The following GRHL3 variants were observed in gnomAD, a reference collection of about 807,000 sequenced individuals.
GRHL3 encodes the protein grainyhead-like protein 3 homolog.
GRHL3 carries 20 observed loss-of-function variants against 70.3 expected under a neutral mutation model. That is an observed-to-expected ratio of 0.28 (90% CI 0.20 to 0.41). The LOEUF (loss-of-function observed/expected upper bound fraction) is 0.41. GRHL3 is among the 10% of genes least tolerant of loss of function. The probability of loss-of-function intolerance (pLI) is 1.00; values close to 1 mark genes in which losing one functional copy is unlikely to be tolerated. For missense variants in GRHL3, 637 were observed against 762.3 expected (o/e 0.84, Z 1.94); for synonymous variants, 299 against 299.9 (o/e 1.00, Z 0.03).
intron 1 of GRHL3, chr1:24,319,944 A>G (rs1639118403): frequency 3.0e-6 from 1 of 334,082 alleles, no homozygotes; most frequent in Admixed American, 3.9e-5. Context: ...TCTTTAAGGT[A>G]GTTCTAAGAG....
In GRHL3 at chr1:24,344,998, ACACCTGTGCCTCCG is replaced by A. The variant is rs1640196614; in HGVS notation, c.1454+69_1454+82del. 9 of 1,350,482 alleles carry A rather than the reference ACACCTGTGCCTCCG, an allele frequency of 6.7e-6. No individual in the cohort carries two copies. The Admixed American group carries it at 8.6e-5, about 13-fold the overall frequency. 83.7% of individuals were successfully genotyped at this position (1,350,482 alleles called of 1,614,324 possible). The stretch of plus-strand genomic sequence containing the variant: ...CACCCTCCACACCTGTGCCCCCTCC[ACACCTGTGCCTCCG>A]CCACACCTGTGCCCCCTCTACACCT... On this transcript the variant is annotated intron_variant, in intron 12 of 15. Coordinates refer to ENST00000361548, the MANE Select transcript of GRHL3 (RefSeq NM_198173.3).
intron 15 of GRHL3, among the ~76,000 whole-genome samples, chr1:24,350,968 C>A (rs1483261886): frequency 1.3e-5 from 2 of 152,210 alleles, no homozygotes; most frequent in African/African-American, 2.4e-5. Flanking sequence ...CTGTCCTCTG[C>A]AGCCCTTCCT....
At position 24,336,507 on chromosome 1, in the gene GRHL3, A is replaced by G. The variant is rs779435159; in HGVS notation, c.292A>G (p.Thr98Ala). The change falls in exon 4 of 16, where the codon ACG becomes GCG. Residue 98 changes from threonine to alanine, a missense_variant. Physicochemically the swap from Thr to Ala is moderately conservative, Grantham distance 58. Coordinates refer to ENST00000361548, the MANE Select transcript of GRHL3 (RefSeq NM_198173.3). ...GTACTACCATGGCATGGAATATGAG[A>G]CGGACCTCACTCCCCTTGAAAGCCC... ...KRYYHGMEYE[T>A]DLTPLESPTH... 2 of 1,594,892 alleles carry G rather than the reference A, an allele frequency of 1.3e-6. No homozygotes were observed. The highest frequency in any genetic ancestry group is 1.7e-6 in the Non-Finnish European group (2 of 1,167,670).
At chr1:24,335,244 T>C (rs1267895403) in intron 3 of GRHL3, among the ~76,000 whole-genome samples, 1 of 152,212 alleles carries the variant, frequency 6.6e-6, no homozygotes, top group African/African-American at 2.4e-5. Context: ...GAGACCTGTG[T>C]TGGGGGAGGG....
At chr1:24,359,448 G>A (rs368254684), downstream of GRHL3, among the ~76,000 whole-genome samples, 6 of 152,178 alleles carry the variant, frequency 3.9e-5, no homozygotes, top group African/African-American at 1.4e-4. This position sits in a 1 kb window ranked among gnomAD's most constrained non-coding sequence, Gnocchi z 5.3. Flanking sequence ...AGTTCTCCTC[G>A]ACTGACTAGA....
intron 7 of GRHL3, among the ~76,000 whole-genome samples, chr1:24,338,798 T>A (rs2148657710): frequency 6.6e-6 from 1 of 152,356 alleles, no homozygotes; most frequent in Non-Finnish European, 1.5e-5. Context: ...CAGACAGATC[T>A]GAGCTTCAGC....
rs1192445341 is a variant in GRHL3, at chr1:24,342,257, A to G, written c.1190A>G (p.Lys397Arg). 1.2e-6 allele frequency: 2 copies of G among 1,608,398 alleles called. No homozygotes were observed. Among genetic ancestry groups the G allele is most frequent in the African/African-American group, 2.7e-5 (2 of 74,810 alleles). Residue 397 changes from lysine (K) to arginine (R), a missense_variant, in exon 9 of 16, where the codon AAG becomes AGG. Around this residue, in one of 2 missense-constraint regions of GRHL3, gnomAD observed 387 missense variants for 513.8 expected, o/e 0.75. Transcript: ENST00000361548. This position sits in a 1 kb window ranked among gnomAD's most constrained non-coding sequence, Gnocchi z 4.8. ...GTACACCGTGCTGTCTGCCAGATCA[A>G]GATCTTCTGTGACAAGGTGGCTGGA... ...RLVHRAVCQI[K>R]IFCDKGAERK... is the part of the protein sequence containing the mutation.
In GRHL3 at chr1:24,364,202, A is replaced by T. The variant is rs1050497646; in HGVS notation, c.1712A>T (p.His571Leu). 4.0e-5 allele frequency: 62 copies of T among 1,535,310 alleles called. No individual in the cohort carries two copies. In the East Asian group the frequency reaches 9.0e-4, roughly 22 times the overall value. The stretch of plus-strand genomic sequence containing the variant: ...TCTTCCAGGGAAACTTCTCTCCTCC[A>T]CCCACGCCTGTCTCGCCACCCCCCA... Residue 571 changes from histidine to leucine, a missense_variant, in exon 16 of 16, where the codon CAC (histidine) becomes CTC (leucine). His to Leu is a moderately conservative substitution (Grantham distance 99). Transcript: ENST00000350501.
intron 1 of GRHL3, among the ~76,000 whole-genome samples, chr1:24,329,117 C>T (rs1557692240): frequency 6.6e-6 from 1 of 152,180 alleles, no homozygotes. Context: ...GTGTGCCTCC[C>T]GCTCTCCGCA....
At chr1:24,363,375 A>C (rs1320161096) in intron 15 of GRHL3, among the ~76,000 whole-genome samples, 1 of 152,244 alleles carries the variant, frequency 6.6e-6, no homozygotes, top group Non-Finnish European at 1.5e-5. Flanking sequence ...GAATCCAGGC[A>C]GTTCTGTACT....
chr1:24,353,364 A>G (rs942910778), intron 15 of GRHL3, among the ~76,000 whole-genome samples: 8 of 152,016 alleles, frequency 5.3e-5, no homozygotes, highest in African/African-American at 1.9e-4. Flanking sequence ...TGGGAAGATG[A>G]CGGCAGGTGG....
intron 15 of GRHL3, among the ~76,000 whole-genome samples, chr1:24,351,698 T>C (rs1640517210): frequency 6.6e-6 from 1 of 152,186 alleles, no homozygotes; most frequent in South Asian, 2.1e-4. Context: ...TGTACAAGGA[T>C]GTTCCCCAGC....
rs531050476 is a variant in GRHL3, at chr1:24,321,142, G to A, written c.17+1574G>A. On this transcript the variant is annotated intron_variant, in intron 1 of 15. Transcript: ENST00000361548. The surrounding 1 kb of genome is among the most constrained non-coding windows in gnomAD (Gnocchi z 4.0). ...GCTGGCTAAAACTGCGGAGGCTACA[G>A]ACAGAATCTATTCATTACTGCACGT... 6.6e-6 allele frequency among the ~76,000 whole-genome samples: 1 copy of A among 152,354 alleles called. No individual in the cohort carries two copies. The highest frequency in any genetic ancestry group is 1.9e-4 in the East Asian group (1 of 5,194).
chr1:24,331,712 C>T (rs954627867), intron 2 of GRHL3, 100 bp downstream of exon 2: 2 of 978,112 alleles, frequency 2.0e-6, no homozygotes, highest in African/African-American at 3.2e-5. Context: ...CCCAGCCCCT[C>T]ATCTCTGGGC....
At chr1:24,358,200 T>G, downstream of GRHL3, 1 of 537,702 alleles carries the variant, frequency 1.9e-6, no homozygotes, top group South Asian at 1.5e-5. Context: ...CCTTGAAGTC[T>G]GCGCTTCAGG....
intron 3 of GRHL3, 75 bp from the exon 4 acceptor site, chr1:24,336,407 T>C: frequency 1.1e-6 from 1 of 921,236 alleles, no homozygotes; most frequent in Non-Finnish European, 1.7e-6. Context: ...GTGTGTCAGT[T>C]GCCTTGCACT....
Position 24,342,131 on chromosome 1 carries a change from A to T in GRHL3, c.1064A>T (p.Asn355Ile). ...NEEAKVFIGVNCLSTDFSSQK... is the reference protein window; with the variant it reads ...NEEAKVFIGVICLSTDFSSQK... ...TGTCTCCAGGTGTTCATCGGCGTAA[A>T]CTGTCTGAGCACAGACTTTTCCTCA... Residue 355 changes from asparagine to isoleucine, a missense_variant, in exon 9 of 16, where the codon AAC becomes ATC. By Grantham distance (149) the Asn-to-Ile change is moderately radical. This residue lies in a region of GRHL3 where 387 missense variants were observed against 513.8 expected (regional missense o/e 0.75). Coordinates refer to ENST00000361548, the MANE Select transcript of GRHL3 (RefSeq NM_198173.3). The surrounding 1 kb of genome is among the most constrained non-coding windows in gnomAD (Gnocchi z 4.8). 2 of 1,593,310 alleles carry T rather than the reference A, an allele frequency of 1.3e-6. No individual in the cohort carries two copies. The highest frequency in any genetic ancestry group is 1.7e-6 in the Non-Finnish European group (2 of 1,168,784).
chr1:24,337,613 T>A, intron 5 of GRHL3, 23 bp from the exon 6 acceptor site: 1 of 1,613,088 alleles, frequency 6.2e-7, no homozygotes. Flanking sequence ...CCAGCCTCAC[T>A]GTCCTCTCCC....
intron 15 of GRHL3, among the ~76,000 whole-genome samples, chr1:24,352,512 G>A (rs1640554244): frequency 6.6e-6 from 1 of 152,158 alleles, no homozygotes; most frequent in South Asian, 2.1e-4. Flanking sequence ...TGAGAAGAGG[G>A]GTCTGTGGGC....
Sources: gnomAD v4.1 joint callset for allele counts (sites outside exome capture counted in the v4.1 genomes callset) on GRCh38, gnomAD v4.1.1 for gene constraint, gnomAD v4.1.1 regional missense constraint, Gnocchi (gnomAD v3.1) non-coding constraint, MANE v1.5 for transcripts, NCBI Gene and HGNC (gene_info 2026-07-23, HGNC 2026-07-21) for gene names.